The following CUX2 variants were observed in gnomAD, a reference collection of about 807,000 sequenced individuals.
CUX2 encodes the protein homeobox protein cut-like 2.
In CUX2, 40 loss-of-function variants were observed where a neutral mutation model predicts 144.8. The ratio of observed to expected loss-of-function variants is 0.28; its 90% confidence interval spans 0.21 to 0.36. The LOEUF (loss-of-function observed/expected upper bound fraction) is 0.36. Among genes scored for constraint, CUX2 ranks in the 10% least tolerant of loss-of-function variants. The pLI is 1.00. For synonymous variants in CUX2, 827 were observed against 875.6 expected (o/e 0.94, Z 0.98); for missense variants, 1,615 against 1,994.0 (o/e 0.81, Z 3.62).
intron 1 of CUX2, among the ~76,000 whole-genome samples, chr12:111,071,107 A>T (rs1242646701): frequency 2.7e-5 from 4 of 146,576 alleles, no homozygotes; most frequent in African/African-American, 1.0e-4. Flanking sequence ...TTTTGTGGAC[A>T]TAAGTTTTCA....
At chr12:111,316,435 C>T (rs1482585339) in intron 16 of CUX2, among the ~76,000 whole-genome samples, 7 of 148,510 alleles carry the variant, frequency 4.7e-5, no homozygotes, top group African/African-American at 1.0e-4. Flanking sequence ...CTTGAGCCAC[C>T]GCGCCCGGCA....
intron 1 of CUX2, among the ~76,000 whole-genome samples, chr12:111,168,157 G>A (rs749696532): frequency 3.9e-5 from 6 of 152,114 alleles, no homozygotes; most frequent in Admixed American, 1.3e-4. Context: ...TCTCAGCGCC[G>A]TTCCTCCCCA....
intron 3 of CUX2, among the ~76,000 whole-genome samples, chr12:111,260,281 G>A (rs1192121409): frequency 6.6e-6 from 1 of 151,914 alleles, no homozygotes; most frequent in Admixed American, 6.6e-5. Context: ...TGGCTAACAC[G>A]GTGAAACCCC....
chr12:111,040,798 T>G (rs1466960368), intron 1 of CUX2, among the ~76,000 whole-genome samples: 1 of 152,178 alleles, frequency 6.6e-6, no homozygotes, highest in Non-Finnish European at 1.5e-5. Flanking sequence ...GCCTCCACTC[T>G]GCCATTAGCA....
At position 111,349,537 on chromosome 12, in the gene CUX2, G is replaced by A. The variant is rs1182145357; in HGVS notation, c.*1212G>A. Reference sequence around the variant, plus strand: ...AAGGCATCTGCAACTCCAAGTCCATGCAGAACTCTGGAAGGCCAAGTTCAT... The same window carrying A: ...AAGGCATCTGCAACTCCAAGTCCATACAGAACTCTGGAAGGCCAAGTTCAT... On this transcript the variant is annotated 3_prime_UTR_variant, in exon 22 of 22. Transcript: ENST00000261726. 2.6e-5 allele frequency: 4 copies of A among 152,200 alleles called. No homozygotes were observed. The East Asian group carries it at 7.7e-4, about 29-fold the overall frequency. The allele number at this position is 152,200 out of a possible 1,614,324, so 9.4% of individuals were successfully genotyped here.
At chr12:111,280,364 G>C (rs1885068112) in intron 4 of CUX2, among the ~76,000 whole-genome samples, 2 of 152,164 alleles carry the variant, frequency 1.3e-5, no homozygotes, top group African/African-American at 4.8e-5. Context: ...AAGTCATGCA[G>C]CTGCAAGCCA....
chr12:111,147,912 G>A (rs1271910913), intron 1 of CUX2, among the ~76,000 whole-genome samples: 3 of 152,202 alleles, frequency 2.0e-5, no homozygotes, highest in South Asian at 2.1e-4. Context: ...CCACCCAGGC[G>A]CCCAGTCATT....
intron 1 of CUX2, among the ~76,000 whole-genome samples, chr12:111,138,431 C>A (rs577379755): frequency 2.6e-4 from 40 of 152,088 alleles, no homozygotes; most frequent in African/African-American, 8.7e-4. Flanking sequence ...GCCTGTCAGC[C>A]CTTCATTATT....
At position 111,307,283 on chromosome 12, in the gene CUX2, G is replaced by A. The variant is rs746083214; in HGVS notation, c.1109+26G>A. On this transcript the variant is annotated intron_variant, in intron 12 of 21. Transcript: ENST00000261726. The surrounding 1 kb of genome is among the most constrained non-coding windows in gnomAD (Gnocchi z 4.1). ...GTACCATGTGGGGTGGGGCTCCACA[G>A]ACCCTCAGTGCTCTTCCCTGGCCAG... The A allele has an allele frequency of 1.9e-6, 3 of 1,603,440 alleles. No homozygotes were observed. Among genetic ancestry groups the A allele is most frequent in the South Asian group, 2.2e-5 (2 of 90,834 alleles).
In CUX2 at chr12:111,320,490, G is replaced by T. The variant is rs1357429849; in HGVS notation, c.2481G>T (p.Gly827=). The T allele has an allele frequency of 1.3e-6, 2 of 1,586,626 alleles. No homozygotes were observed. The highest frequency in any genetic ancestry group is 1.7e-6 in the Non-Finnish European group (2 of 1,171,672). Residue 827 remains glycine (G), a synonymous_variant, in exon 17 of 22, where the codon GGG becomes GGT. Coordinates refer to ENST00000261726, the MANE Select transcript of CUX2 (RefSeq NM_015267.4). The surrounding 1 kb of genome is among the most constrained non-coding windows in gnomAD (Gnocchi z 8.1). ...GQPNGRAWPR[G]DEAPVPPEDE... ...CCAACGGCCGCGCCTGGCCCCGCGGGGACGAGGCCCCTGTGCCCCCCGAGG... is the reference window on the plus strand; with the variant it reads ...CCAACGGCCGCGCCTGGCCCCGCGGTGACGAGGCCCCTGTGCCCCCCGAGG...
chr12:111,243,485 G>A (rs961818248), intron 3 of CUX2, among the ~76,000 whole-genome samples: 1 of 140,276 alleles, frequency 7.1e-6, no homozygotes, highest in Non-Finnish European at 1.5e-5. Context: ...CATTATGATT[G>A]GTTGATGTGC....
chr12:111,156,252 C>G (rs943763398), intron 1 of CUX2, among the ~76,000 whole-genome samples: 3 of 152,166 alleles, frequency 2.0e-5, no homozygotes, highest in Admixed American at 6.5e-5. Flanking sequence ...CCCAAGAAAC[C>G]TGATGGAAGC....
intron 1 of CUX2, among the ~76,000 whole-genome samples, chr12:111,085,462 C>T (rs893546002): frequency 1.3e-5 from 2 of 152,138 alleles, no homozygotes; most frequent in Non-Finnish European, 1.5e-5. Flanking sequence ...GGTTGAGGAA[C>T]ATCCTGGAAG....
At chr12:111,216,917 T>C (rs922499592) in intron 2 of CUX2, among the ~76,000 whole-genome samples, 2 of 152,180 alleles carry the variant, frequency 1.3e-5, no homozygotes, top group African/African-American at 4.8e-5. Context: ...CCTTTTCTGC[T>C]CTGTCTGGGG....
intron 1 of CUX2, among the ~76,000 whole-genome samples, chr12:111,079,950 G>A (rs560136309): frequency 4.9e-4 from 75 of 152,290 alleles, no homozygotes; most frequent in South Asian, 4.6e-3. Context: ...AATACCCTCT[G>A]GTCTAATGTC....
At chr12:111,101,394 G>C (rs922945121) in intron 1 of CUX2, among the ~76,000 whole-genome samples, 5 of 152,210 alleles carry the variant, frequency 3.3e-5, no homozygotes, top group Non-Finnish European at 7.3e-5. Context: ...CTCCAGGCTA[G>C]AAAATCCATG....
intron 1 of CUX2, among the ~76,000 whole-genome samples, chr12:111,161,394 C>T (rs1349732225): frequency 7.7e-6 from 1 of 130,718 alleles, no homozygotes; most frequent in Admixed American, 7.0e-5. Flanking sequence ...ACCAGCTTCC[C>T]AGAGTGGTTC....
intron 1 of CUX2, among the ~76,000 whole-genome samples, chr12:111,091,534 C>T (rs1336250110): frequency 6.6e-6 from 1 of 152,194 alleles, no homozygotes; most frequent in East Asian, 1.9e-4. Context: ...TTCACCCCAC[C>T]CAGCCTGGAA....
Position 111,263,695 on chromosome 12 carries a change from A to G in CUX2, c.223-66A>G. The stretch of plus-strand genomic sequence containing the variant: ...TGTTTTCTTGTGGAAAAAAAAAATG[A>G]TGAAATTTGCTTGCAGACACAGATG... On this transcript the variant is annotated intron_variant, in intron 3 of 21. Transcript: ENST00000261726. This position sits in a 1 kb window ranked among gnomAD's most constrained non-coding sequence, Gnocchi z 4.0. 2 of 1,226,544 alleles carry G rather than the reference A, an allele frequency of 1.6e-6. No individual in the cohort carries two copies. Among genetic ancestry groups the G allele is most frequent in the Non-Finnish European group, 2.4e-6 (2 of 846,948 alleles). The allele number at this position is 1,226,544 out of a possible 1,614,324, so 76.0% of individuals were successfully genotyped here. A position where few individuals can be genotyped will look rare whatever the true frequency, so the allele number is the denominator to read the frequency against.
Sources: gnomAD v4.1 joint callset for allele counts (sites outside exome capture counted in the v4.1 genomes callset) on GRCh38, gnomAD v4.1.1 for gene constraint, Gnocchi (gnomAD v3.1) non-coding constraint, MANE v1.5 for transcripts, NCBI Gene and HGNC (gene_info 2026-07-23, HGNC 2026-07-21) for gene names.